Variants in SFTPD observed in about 807,000 individuals in gnomAD.
SFTPD encodes the protein surfactant protein D, also known as pulmonary surfactant-associated protein D.
A neutral mutation model predicts 34.6 loss-of-function variants in SFTPD; 18 were observed. That is an observed-to-expected ratio of 0.52 (90% CI 0.36 to 0.77). The LOEUF is 0.77. SFTPD is among the 30% of genes least tolerant of loss of function. The probability of loss-of-function intolerance (pLI) is 0.00; values close to 1 mark genes in which losing one functional copy is unlikely to be tolerated. For missense variants in SFTPD, 433 were observed against 468.9 expected (o/e 0.92, Z 0.71); for synonymous variants, 155 against 180.9 (o/e 0.86, Z 1.15).
chr10:79,944,065 C>T (rs1001992281), intron 2 of SFTPD, among the ~76,000 whole-genome samples: 8 of 152,248 alleles, frequency 5.3e-5, no homozygotes, highest in African/African-American at 1.9e-4. Context: ...CACTGTGTAT[C>T]GTAGTGTACC....
chr10:79,961,353 A>G (rs907289578), intron 1 of SFTPD, among the ~76,000 whole-genome samples: 31 of 152,194 alleles, frequency 2.0e-4, no homozygotes, highest in Non-Finnish European at 3.1e-4. Flanking sequence ...ATCAGAGTGA[A>G]CAGGTAACCT....
At chr10:79,958,482 G>A (rs1276027423) in intron 1 of SFTPD, among the ~76,000 whole-genome samples, 1 of 152,094 alleles carries the variant, frequency 6.6e-6, no homozygotes, top group African/African-American at 2.4e-5. Flanking sequence ...AAAAAAGGCA[G>A]GGGTTGCAAT....
rs181985331 is a variant in SFTPD at position 79,973,596 on chromosome 10, C to T, written c.36+8979G>A. Reference sequence around the variant, plus strand: ...TCCCGCCACTGCACTCCAGCCTAGGCGACAGAGCAAGACTCTGTCTCAAAA... The same window carrying T: ...TCCCGCCACTGCACTCCAGCCTAGGTGACAGAGCAAGACTCTGTCTCAAAA... On this transcript the variant is annotated intron_variant, in intron 1 of 5. Coordinates refer to the SFTPD transcript ENST00000444384. 7.2e-4 allele frequency among the ~76,000 whole-genome samples: 93 copies of T among 129,450 alleles called. No homozygotes were observed. In the East Asian group the frequency reaches 0.016, roughly 22 times the overall value. The allele number at this position is 129,450 out of a possible 152,430, so 84.9% of individuals were successfully genotyped here.
Position 79,942,343 on chromosome 10 carries a change from C to T in SFTPD, c.433+45G>A, listed in dbSNP as rs1354990625. ...TCAGGTCATATCATGGACCCTTGTCCTTCCTCCTTTCCCTTCTCAGACTGG... is the reference window on the plus strand; with the variant it reads ...TCAGGTCATATCATGGACCCTTGTCTTTCCTCCTTTCCCTTCTCAGACTGG... On this transcript the variant is annotated intron_variant, in intron 4 of 7. Transcript: ENST00000372292. 3.0e-6 allele frequency: 4 copies of T among 1,338,056 alleles called. No individual in the cohort carries two copies. In the Admixed American group the frequency reaches 5.1e-5, roughly 17 times the overall value. 82.9% of individuals were successfully genotyped at this position (1,338,056 alleles called of 1,614,324 possible).
chr10:79,963,750 A>G (rs998300544), intron 1 of SFTPD, among the ~76,000 whole-genome samples: 1 of 152,174 alleles, frequency 6.6e-6, no homozygotes, highest in African/African-American at 2.4e-5. Context: ...CCACTTATAA[A>G]TGAGAACATG....
chr10:79,963,035 T>C (rs1024637081), intron 1 of SFTPD, among the ~76,000 whole-genome samples: 1 of 152,124 alleles, frequency 6.6e-6, no homozygotes, highest in African/African-American at 2.4e-5. Flanking sequence ...ATTCCTGGTG[T>C]CTTTGTTTCT....
intron 1 of SFTPD, among the ~76,000 whole-genome samples, chr10:79,977,535 T>C (rs529855812): frequency 9.2e-5 from 14 of 152,362 alleles, no homozygotes; most frequent in Admixed American, 2.6e-4. Flanking sequence ...CTATTTGATG[T>C]ATCTAGTTTC....
intron 1 of SFTPD, chr10:79,972,513 G>GAC (rs148640132): frequency 0.39 from 57,770 of 148,696 alleles, 11,451 homozygotes; most frequent in Middle Eastern, 0.45. Context: ...CACACACACA[G>GAC]ACACACACAC....
intron 1 of SFTPD, among the ~76,000 whole-genome samples, chr10:79,959,316 G>C (rs1320549103): frequency 6.6e-6 from 1 of 151,484 alleles, no homozygotes; most frequent in Non-Finnish European, 1.5e-5. Flanking sequence ...GAAGGAAATA[G>C]AGACACAAAA....
At chr10:79,940,631 G>A in intron 7 of SFTPD, 74 bp downstream of exon 7, 1 of 1,018,406 alleles carries the variant, frequency 9.8e-7, no homozygotes. Context: ...CCCAGCCAAA[G>A]GCCAAACCAA....
intron 1 of SFTPD, chr10:79,969,832 TA>T (rs1842825986): frequency 6.6e-6 from 1 of 152,180 alleles, no homozygotes; most frequent in Non-Finnish European, 1.5e-5. Context: ...TCCCATTCTG[TA>T]GGTTCTTTTA....
chr10:79,974,277 C>T (rs1842851862), intron 1 of SFTPD, among the ~76,000 whole-genome samples: 1 of 152,158 alleles, frequency 6.6e-6, no homozygotes, highest in East Asian at 1.9e-4. Context: ...ACGCCATTCT[C>T]CTGCCTCCGC....
At chr10:79,942,332 G>A in intron 4 of SFTPD, 56 bp downstream of exon 4, 1 of 1,228,572 alleles carries the variant, frequency 8.1e-7, no homozygotes, top group Non-Finnish European at 1.2e-6. Context: ...GTCATATCAT[G>A]GACCCTTGTC....
rs929576176 is a variant in SFTPD at position 79,975,205 on chromosome 10, CGGAAAAGAAAGATCT to C, written c.36+7355_36+7369del. 1.1e-3 allele frequency among the ~76,000 whole-genome samples: 169 copies of C among 152,194 alleles called. 1 individual carries two copies. The highest frequency in any genetic ancestry group is 3.8e-3 in the African/African-American group (157 of 41,508). ...CAACTACTTTTTGCCCAGTGTCCTCCGGAAAAGAAAGATCTGGAAGGTCATTTTCTTCAAAATAAT... is the reference window on the plus strand; with the variant it reads ...CAACTACTTTTTGCCCAGTGTCCTCCGGAAGGTCATTTTCTTCAAAATAAT... On this transcript the variant is annotated intron_variant, in intron 1 of 5. Transcript: ENST00000444384.
chr10:79,942,697 C>T, intron 3 of SFTPD, 66 bp downstream of exon 3: 1 of 1,168,714 alleles, frequency 8.6e-7, no homozygotes, highest in Non-Finnish European at 1.3e-6. Flanking sequence ...TGTGCGTGCC[C>T]ACTGGCATAT....
At chr10:79,981,204 A>G (rs1842887951) in intron 1 of SFTPD, among the ~76,000 whole-genome samples, 1 of 152,148 alleles carries the variant, frequency 6.6e-6, no homozygotes, top group South Asian at 2.1e-4. Context: ...AATGCATTAG[A>G]GTCTCTCAAC....
At chr10:79,965,584 G>GTTTTTTTTTTTTT (rs71034264) in intron 1 of SFTPD, among the ~76,000 whole-genome samples, 1 of 75,270 alleles carries the variant, frequency 1.3e-5, no homozygotes, top group Non-Finnish European at 2.4e-5. Flanking sequence ...TATTTTTAAT[G>GTTTTTTTTTTTTT]TTTTTTTTTT....
intron 1 of SFTPD, among the ~76,000 whole-genome samples, chr10:79,956,141 GA>G (rs1842736655): frequency 6.6e-6 from 1 of 152,194 alleles, no homozygotes; most frequent in Non-Finnish European, 1.5e-5. Flanking sequence ...AACATTGTGA[GA>G]AAAAAGTTTA....
chr10:79,962,469 A>G (rs1166825936), intron 1 of SFTPD, among the ~76,000 whole-genome samples: 2 of 152,238 alleles, frequency 1.3e-5, no homozygotes, highest in South Asian at 2.1e-4. Flanking sequence ...TATACATTAT[A>G]TGATGAAAAT....
Sources: allele counts gnomAD v4.1 joint callset (sites outside exome capture counted in the v4.1 genomes callset), GRCh38; gene constraint gnomAD v4.1.1; transcripts MANE v1.5; gene names NCBI Gene and HGNC (gene_info 2026-07-23, HGNC 2026-07-21).